The following KRT40 variants were observed in gnomAD, a reference collection of about 807,000 sequenced individuals.
The protein encoded by KRT40 is keratin 40.
In KRT40, 47 loss-of-function variants were observed where a neutral mutation model predicts 43.5. The observed-to-expected ratio is 1.08, with a 90% CI of 0.86 to 1.38. KRT40 has a LOEUF of 1.38. Among genes scored for constraint, KRT40 ranks in the 40% most tolerant of loss-of-function variants. KRT40 has a pLI of 0.00. For synonymous variants in KRT40, 212 were observed against 214.0 expected, an observed-to-expected ratio of 0.99 and a Z score of 0.08; for missense variants, 573 against 523.6, an observed-to-expected ratio of 1.09 and a Z score of -0.92.
upstream of KRT40, chr17:40,984,356 A>T: frequency 9.2e-7 from 1 of 1,083,964 alleles, no homozygotes; most frequent in Non-Finnish European, 1.3e-6. Context: ...GAGTTTTATA[A>T]CCCCCCAAAA....
chr17:40,983,141 T>A lies in KRT40; in HGVS notation c.448-13A>T. On this transcript the variant is annotated splice_polypyrimidine_tract_variant and intron_variant, in intron 1 of 6. Transcript: ENST00000377755. ...TCGTGCATAAGATCTGGGAAGCAAG[T>A]CATTATGTGATAAATGATTCTTTGA... The A allele has an allele frequency of 8.3e-7, 1 of 1,209,436 alleles. No individual in the cohort carries two copies. The highest frequency in any genetic ancestry group is 1.2e-6 in the Non-Finnish European group (1 of 831,338). 74.9% of individuals were successfully genotyped at this position (1,209,436 alleles called of 1,614,324 possible). A position where few individuals can be genotyped will look rare whatever the true frequency, so the allele number is the denominator to read the frequency against.
rs1457823058 is a variant in KRT40, at chr17:40,979,009, A to G, written c.991T>C (p.Cys331Arg). 3.1e-6 allele frequency: 5 copies of G among 1,613,340 alleles called. No individual in the cohort carries two copies. The South Asian group carries it at 4.4e-5, about 14-fold the overall frequency. Residue 331 changes from cysteine to arginine, a missense_variant, in exon 6 of 7, where the codon TGC (cysteine) becomes CGC (arginine). Transcript: ENST00000377755. ...TGGGCCTCGGTTTCTGCCACGGTGC[A>G]TTCCAGAGATTCTGTCTGCGGGAGG... ...AQQSLTESLE[C>R]TVAETEAQYS... is the part of the protein sequence containing the mutation.
Position 40,979,733 on chromosome 17 carries a change from C to G in KRT40, c.976-709G>C, listed in dbSNP as rs187864192. Among the ~76,000 whole-genome samples, 85 of 152,130 alleles carry G rather than the reference C, an allele frequency of 5.6e-4. 2 individuals are homozygous for G. The South Asian group carries it at 5.8e-3, about 10-fold the overall frequency. On this transcript the variant is annotated intron_variant, in intron 5 of 6. Transcript: ENST00000377755. Reference sequence around the variant, plus strand: ...GAGAAGAGGCTCTGGATACCAGAGGCTGGGACTGGCATATGTGTGGTAAGG... The same window carrying G: ...GAGAAGAGGCTCTGGATACCAGAGGGTGGGACTGGCATATGTGTGGTAAGG...
upstream of KRT40, among the ~76,000 whole-genome samples, chr17:40,986,078 G>A (rs7219346): frequency 0.056 from 8,590 of 152,216 alleles, 799 homozygotes; most frequent in African/African-American, 0.2. Context: ...TATAGCTATA[G>A]TCTCCATCGT....
chr17:40,982,208 A>G, intron 3 of KRT40, 99 bp downstream of exon 3: 1 of 1,183,952 alleles, frequency 8.4e-7, no homozygotes, highest in Non-Finnish European at 1.1e-6. Context: ...CAGCTTAAAC[A>G]ACATCTGCCC....
Position 40,978,100 on chromosome 17 carries a change from T to C in KRT40, c.*97A>G. On this transcript the variant is annotated 3_prime_UTR_variant, in exon 7 of 7. Coordinates refer to ENST00000377755, the MANE Select transcript of KRT40 (RefSeq NM_001389244.1). ...GCAATTCCAGGATATGAGAGCCTCC[T>C]GGATTTGTGCTTCCGGTTTGGATGT... 2.3e-6 allele frequency: 2 copies of C among 877,600 alleles called. No homozygotes were observed. Among genetic ancestry groups the C allele is most frequent in the Non-Finnish European group, 1.9e-6 (1 of 530,538 alleles). The allele number at this position is 877,600 out of a possible 1,614,324, so 54.4% of individuals were successfully genotyped here.
rs141528966 is a variant in KRT40 at position 40,981,347 on chromosome 17, G to A, written c.688-196C>T. ...CGTCTGTAAAATGGACATAATAATT[G>A]GACATTTTTCCAGAAAGTTATTGTG... On this transcript the variant is annotated intron_variant, in intron 3 of 6. Transcript: ENST00000377755. 1,091 of 1,029,016 alleles carry A rather than the reference G, an allele frequency of 1.1e-3. 10 individuals carry two copies. The African/African-American group carries it at 0.016, about 15-fold the overall frequency. The allele number at this position is 1,029,016 out of a possible 1,614,324, so 63.7% of individuals were successfully genotyped here. A position where few individuals can be genotyped will look rare whatever the true frequency, so the allele number is the denominator to read the frequency against.
Position 40,980,868 on chromosome 17 carries a change from G to T in KRT40, c.892C>A (p.Leu298Met). The change falls in exon 5 of 7, where the codon CTG (leucine) becomes ATG (methionine). Residue 298 changes from leucine (L) to methionine (M), a missense_variant. By Grantham distance (15) the Leu-to-Met change is conservative (BLOSUM62 2). Coordinates refer to ENST00000377755, the MANE Select transcript of KRT40 (RefSeq NM_001389244.1). ...AAGATCTCCATCTGGCAGCCCTGCA[G>T]CTGCTCCGCGCTGGACAGTTGCTGC... ...NQQQLSSAEQ[L>M]QGCQMEILEL... 1 of 1,613,632 alleles carries T rather than the reference G, an allele frequency of 6.2e-7. No individual in the cohort carries two copies. Among genetic ancestry groups the T allele is most frequent in the Non-Finnish European group, 8.5e-7 (1 of 1,179,976 alleles).
At chr17:40,986,608 A>AC (rs1453746978), upstream of KRT40, among the ~76,000 whole-genome samples, 2 of 151,416 alleles carry the variant, frequency 1.3e-5, no homozygotes, top group South Asian at 2.1e-4. Context: ...AATTCTTCTT[A>AC]CCCCCATGCC....
chr17:40,979,034 G>C lies in KRT40; in HGVS notation c.976-10C>G. Reference sequence around the variant, plus strand: ...ATTCCAGAGATTCTGTCTGCGGGAGGAAACATTGTCCAAAGGACCATGAAG... The same window carrying C: ...ATTCCAGAGATTCTGTCTGCGGGAGCAAACATTGTCCAAAGGACCATGAAG... On this transcript the variant is annotated splice_polypyrimidine_tract_variant and intron_variant, in intron 5 of 6. Coordinates refer to ENST00000377755, the MANE Select transcript of KRT40 (RefSeq NM_001389244.1). 1 of 1,608,462 alleles carries C rather than the reference G, an allele frequency of 6.2e-7. No homozygotes were observed. The highest frequency in any genetic ancestry group is 1.3e-5 in the African/African-American group (1 of 74,892).
Position 40,980,999 on chromosome 17 carries a change from C to A in KRT40, c.840G>T (p.Leu280Phe). 1 of 1,614,186 alleles carries A rather than the reference C, an allele frequency of 6.2e-7. No homozygotes were observed. Among genetic ancestry groups the A allele is most frequent in the Non-Finnish European group, 8.5e-7 (1 of 1,180,038 alleles). ...ANNRREAEEWLAVQTEELNQQ... is the reference protein window; with the variant it reads ...ANNRREAEEWFAVQTEELNQQ... Reference sequence around the variant, plus strand: ...CAATCTGGGTACTGACCTGAACAGCCAACCATTCTTCAGCTTCTCTGCGAT... The same window carrying A: ...CAATCTGGGTACTGACCTGAACAGCAAACCATTCTTCAGCTTCTCTGCGAT... Residue 280 changes from leucine to phenylalanine, a missense_variant, in exon 4 of 7, where the codon TTG becomes TTT. Physicochemically the swap from Leu to Phe is conservative, Grantham distance 22. Transcript: ENST00000377755.
At chr17:40,986,713 A>T (rs1192715741), upstream of KRT40, among the ~76,000 whole-genome samples, 3 of 148,638 alleles carry the variant, frequency 2.0e-5, no homozygotes, top group Non-Finnish European at 4.4e-5. Flanking sequence ...AAAGAAATAG[A>T]CATCATGAAA....
Position 40,978,876 on chromosome 17 carries a change from A to G in KRT40, c.1124T>C (p.Leu375Pro). 6.2e-7 allele frequency: 1 copy of G among 1,613,900 alleles called. No homozygotes were observed. The highest frequency in any genetic ancestry group is 8.5e-7 in the Non-Finnish European group (1 of 1,180,010). The change falls in exon 6 of 7, where the codon CTC becomes CCC. Residue 375 changes from leucine (L) to proline (P), a missense_variant. By Grantham distance (98) the Leu-to-Pro change is moderately conservative. Transcript: ENST00000377755. ...CTCCAGCCGGGCCTTCACGTCCAGG[A>G]GCACCTGGTACTCCTGGTTCTGTCG... ...LERQNQEYQV[L>P]LDVKARLEGE...
At chr17:40,980,690 G>A (rs1189539172) in intron 5 of KRT40, 95 bp downstream of exon 5, 2 of 1,460,880 alleles carry the variant, frequency 1.4e-6, no homozygotes, top group Non-Finnish European at 1.8e-6. Context: ...CTCGGGAAAG[G>A]CAAGGAAATG....
chr17:40,984,146 C>A lies in KRT40; in HGVS notation c.128G>T (p.Cys43Phe). 3 of 1,614,112 alleles carry A rather than the reference C, an allele frequency of 1.9e-6. No individual in the cohort carries two copies. The highest frequency in any genetic ancestry group is 2.5e-6 in the Non-Finnish European group (3 of 1,180,026). ...CLPGTCATSR[C>F]QTPSFLSRSR... ...CCTGGATAGGAAGCTTGGAGTCTGA[C>A]ATCGGGATGTAGCACAGGTACCGGG... The change falls in exon 1 of 7, where the codon TGT (cysteine) becomes TTT (phenylalanine). Residue 43 changes from cysteine (C) to phenylalanine (F), a missense_variant. Coordinates refer to ENST00000377755, the MANE Select transcript of KRT40 (RefSeq NM_001389244.1).
chr17:40,982,257 G>T (rs776335226), intron 3 of KRT40, 50 bp downstream of exon 3: 1 of 1,432,224 alleles, frequency 7.0e-7, no homozygotes, highest in Admixed American at 2.5e-5. Context: ...ATCTGTCAAT[G>T]TAAGTACGTT....
intron 5 of KRT40, among the ~76,000 whole-genome samples, chr17:40,979,260 A>G (rs1486691520): frequency 6.6e-6 from 1 of 152,150 alleles, no homozygotes. Context: ...TCAGGCCTGT[A>G]ATCCCAGCAC....
chr17:40,979,164 T>C lies in KRT40; in HGVS notation c.976-140A>G, dbSNP rs1309889068. The C allele has an allele frequency of 1.7e-5, 11 of 647,352 alleles. No homozygotes were observed. In the Admixed American group the frequency reaches 2.0e-4, roughly 12 times the overall value. The allele number at this position is 647,352 out of a possible 1,614,324, so 40.1% of individuals were successfully genotyped here. Reference sequence around the variant, plus strand: ...TAGCTTCTGTGAGTCTCAGTTTTATTCTCTGTATAGTGGAGAATACAAAGT... The same window carrying C: ...TAGCTTCTGTGAGTCTCAGTTTTATCCTCTGTATAGTGGAGAATACAAAGT... On this transcript the variant is annotated intron_variant, in intron 5 of 6. Coordinates refer to ENST00000377755, the MANE Select transcript of KRT40 (RefSeq NM_001389244.1).
At position 40,980,978 on chromosome 17, in the gene KRT40, C is replaced by T; in HGVS notation, c.849+12G>A. On this transcript the variant is annotated intron_variant, in intron 4 of 6. Transcript: ENST00000377755. ...TCTGTAAGCCTGACATTTTTTCAAT[C>T]TGGGTACTGACCTGAACAGCCAACC... is the stretch of plus-strand genomic sequence containing the variant. 1.2e-6 allele frequency: 2 copies of T among 1,613,638 alleles called. No homozygotes were observed. Among genetic ancestry groups the T allele is most frequent in the African/African-American group, 1.3e-5 (1 of 74,952 alleles).
Sources: gnomAD v4.1 joint callset for allele counts (sites outside exome capture counted in the v4.1 genomes callset) on GRCh38, gnomAD v4.1.1 for gene constraint, MANE v1.5 for transcripts, NCBI Gene and HGNC (gene_info 2026-07-23, HGNC 2026-07-21) for gene names.